The following SYNE2 variants were observed in gnomAD, a reference collection of about 807,000 sequenced individuals.
SYNE2 encodes the protein nesprin-2.
A neutral mutation model predicts 856.3 loss-of-function variants in SYNE2; 431 were observed. The observed-to-expected ratio is 0.50, with a 90% CI of 0.47 to 0.55. The LOEUF (loss-of-function observed/expected upper bound fraction) is 0.55, where lower values mean the gene tolerates loss of function less well. Among genes scored for constraint, SYNE2 ranks in the 20% least tolerant of loss-of-function variants. SYNE2 has a pLI of 0.00. For synonymous variants in SYNE2, 2,923 were observed against 2,872.3 expected (o/e 1.02, Z -0.56); for missense variants, 8,129 against 8,023.2 (o/e 1.01, Z -0.50).
chr14:63,762,792 A>G (rs1199662901), intron 1 of SYNE2, among the ~76,000 whole-genome samples: 1 of 152,036 alleles, frequency 6.6e-6, no homozygotes, highest in Non-Finnish European at 1.5e-5. Context: ...GTGAAATGTC[A>G]TGATGCCTGC....
chr14:63,937,498 A>T (rs2095848320), intron 2 of SYNE2, among the ~76,000 whole-genome samples: 1 of 152,150 alleles, frequency 6.6e-6, no homozygotes, highest in African/African-American at 2.4e-5. Context: ...ATCTGTGCTG[A>T]TAGGTTGGAA....
At chr14:63,821,437 G>A (rs921229273) in intron 1 of SYNE2, among the ~76,000 whole-genome samples, 1 of 152,122 alleles carries the variant, frequency 6.6e-6, no homozygotes, top group Non-Finnish European at 1.5e-5. Context: ...AAATGTATTT[G>A]TGTAGAAGCA....
rs541378243 is a variant in SYNE2 at position 63,966,969 on chromosome 14, G to A, written c.991-740G>A. Among the ~76,000 whole-genome samples, 17 of 152,040 alleles carry A rather than the reference G, an allele frequency of 1.1e-4. No individual in the cohort carries two copies. The East Asian group carries it at 1.2e-3, about 10-fold the overall frequency. ...CAACCTCTGCCTCCCTGGTTCAAGC[G>A]ATTCTCCTGCCTCAGCCTCCCGAGT... On this transcript the variant is annotated intron_variant, in intron 10 of 115. Coordinates refer to ENST00000555002, the MANE Select transcript of SYNE2 (RefSeq NM_182914.3).
rs1405758784 is a variant in SYNE2, at chr14:64,138,971, GTGTGTGTGTA to G, written c.14844-966_14844-957del. 2.3e-3 allele frequency among the ~76,000 whole-genome samples: 327 copies of G among 143,010 alleles called. 2 individuals are homozygous for G. The highest frequency in any genetic ancestry group is 8.9e-3 in the African/African-American group (310 of 34,842). 93.8% of individuals were successfully genotyped at this position (143,010 alleles called of 152,430 possible). On this transcript the variant is annotated intron_variant, in intron 79 of 115. Coordinates refer to ENST00000555002, the MANE Select transcript of SYNE2 (RefSeq NM_182914.3). ...GGTGTGTGTGTGTGTGTGTGTGTGT[GTGTGTGTGTA>G]TGTAATTTTATTTATTTTTTGAGAC...
chr14:63,929,412 A>G (rs1350240153), intron 2 of SYNE2, among the ~76,000 whole-genome samples: 1 of 152,182 alleles, frequency 6.6e-6, no homozygotes, highest in Non-Finnish European at 1.5e-5. Context: ...CTAAAGAAGA[A>G]AGTAAATAGG....
At chr14:63,811,733 G>C (rs946194115) in intron 1 of SYNE2, among the ~76,000 whole-genome samples, 1 of 152,084 alleles carries the variant, frequency 6.6e-6, no homozygotes, top group Non-Finnish European at 1.5e-5. Flanking sequence ...CTAGGCTTCC[G>C]GGGGTGACAT....
At chr14:64,075,301 A>G (rs2097449312) in intron 53 of SYNE2, among the ~76,000 whole-genome samples, 2 of 152,196 alleles carry the variant, frequency 1.3e-5, no homozygotes. Flanking sequence ...CATACAAATG[A>G]GTTTCTCCTT....
In SYNE2 at chr14:63,982,644, A is replaced by C. The variant is rs2096595663; in HGVS notation, c.1851A>C (p.Thr617=). ...GTATCATGTAGGTACCCTTTGAGACACTAGCCCAGTGGAATCTAGAACACG... is the reference window on the plus strand; with the variant it reads ...GTATCATGTAGGTACCCTTTGAGACCCTAGCCCAGTGGAATCTAGAACACG... ...KEEIKEVPFE[T]LAQWNLEHAT... The change falls in exon 17 of 116, where the codon ACA becomes ACC. Residue 617 remains threonine, a synonymous_variant. Coordinates refer to ENST00000555002, the MANE Select transcript of SYNE2 (RefSeq NM_182914.3). The C allele has an allele frequency of 6.2e-7, 1 of 1,613,992 alleles. No individual in the cohort carries two copies. Among genetic ancestry groups the C allele is most frequent in the Non-Finnish European group, 8.5e-7 (1 of 1,180,010 alleles).
intron 100 of SYNE2, 61 bp from the exon 101 acceptor site, chr14:64,208,694 TTGA>T (rs2098622302): frequency 1.3e-6 from 2 of 1,569,632 alleles, no homozygotes; most frequent in Non-Finnish European, 1.8e-6. Context: ...CGGAGGTCCT[TTGA>T]TGCTGACCCT....
chr14:64,189,505 A>G (rs1178903961), intron 98 of SYNE2, among the ~76,000 whole-genome samples: 1 of 152,210 alleles, frequency 6.6e-6, no homozygotes, highest in Non-Finnish European at 1.5e-5. Flanking sequence ...ATAGCAGCCT[A>G]ATTAGTTATG....
chr14:63,954,893 C>T lies in SYNE2; in HGVS notation c.765C>T (p.Ile255=). 6.2e-7 allele frequency: 1 copy of T among 1,613,046 alleles called. No individual in the cohort carries two copies. Among genetic ancestry groups the T allele is most frequent in the Non-Finnish European group, 8.5e-7 (1 of 1,179,664 alleles). ...GAATTGCAGAACAAGAATTAAAAAT[C>T]CCCAGATTGCTGGAACCAGAAGGTA... ...AFRIAEQELK[I]PRLLEPEDVD... The change falls in exon 8 of 116, where the codon ATC becomes ATT. Residue 255 remains isoleucine, a synonymous_variant. Transcript: ENST00000555002.
intron 96 of SYNE2, among the ~76,000 whole-genome samples, chr14:64,181,414 C>T (rs527628259): frequency 6.6e-6 from 1 of 152,188 alleles, no homozygotes; most frequent in African/African-American, 2.4e-5. Flanking sequence ...GTCTAGAAAC[C>T]TGTGCAGAAC....
At chr14:64,172,605 G>T (rs1223602519) in intron 94 of SYNE2, among the ~76,000 whole-genome samples, 1 of 152,098 alleles carries the variant, frequency 6.6e-6, no homozygotes, top group African/African-American at 2.4e-5. Flanking sequence ...AACAATGAAG[G>T]CTATCATATG....
At chr14:63,847,118 A>G (rs1012619584) in intron 1 of SYNE2, among the ~76,000 whole-genome samples, 2 of 149,272 alleles carry the variant, frequency 1.3e-5, no homozygotes, top group African/African-American at 4.9e-5. Context: ...CACAGCACCC[A>G]GCTTATTATA....
intron 85 of SYNE2, 146 bp from the exon 86 acceptor site, chr14:64,158,478 AC>A: frequency 1.2e-6 from 1 of 817,242 alleles, no homozygotes; most frequent in Non-Finnish European, 2.0e-6. Context: ...TTATGCATTG[AC>A]CTACCCTTTC....
intron 1 of SYNE2, among the ~76,000 whole-genome samples, chr14:63,823,546 G>C (rs1354411284): frequency 6.6e-6 from 1 of 151,754 alleles, no homozygotes; most frequent in African/African-American, 2.4e-5. Context: ...TAAAAGAGGA[G>C]GGAACACTCC....
chr14:64,096,544 A>G (rs532585831), intron 61 of SYNE2, among the ~76,000 whole-genome samples: 63 of 152,284 alleles, frequency 4.1e-4, no homozygotes, highest in African/African-American at 1.5e-3. Context: ...GAGGCAGTGT[A>G]CCTCTGAAGT....
intron 48 of SYNE2, among the ~76,000 whole-genome samples, chr14:64,054,771 A>G (rs762174227): frequency 6.6e-6 from 1 of 152,202 alleles, no homozygotes; most frequent in Non-Finnish European, 1.5e-5. Flanking sequence ...GCTGTGCTGA[A>G]TGTAATGCCA....
In SYNE2 at chr14:64,225,826, GGTTT is replaced by G. The variant is rs1176439887; in HGVS notation, c.*307_*310del. The stretch of plus-strand genomic sequence containing the variant: ...AAGAGCCAAGCACTTTGTGAATTCT[GGTTT>G]GTTTGTAAAACAGCATTATTATAAT... On this transcript the variant is annotated 3_prime_UTR_variant, in exon 116 of 116. Coordinates refer to ENST00000555002, the MANE Select transcript of SYNE2 (RefSeq NM_182914.3). 12 of 587,716 alleles carry G rather than the reference GGTTT, an allele frequency of 2.0e-5. No individual in the cohort carries two copies. Among genetic ancestry groups the G allele is most frequent in the African/African-American group, 9.3e-5 (5 of 53,676 alleles). The allele number at this position is 587,716 out of a possible 1,614,324, so 36.4% of individuals were successfully genotyped here. A position where few individuals can be genotyped will look rare whatever the true frequency, so the allele number is the denominator to read the frequency against.
Sources: gnomAD v4.1 joint callset for allele counts (sites outside exome capture counted in the v4.1 genomes callset) on GRCh38, gnomAD v4.1.1 for gene constraint, MANE v1.5 for transcripts, NCBI Gene and HGNC (gene_info 2026-07-23, HGNC 2026-07-21) for gene names.